Variants in BRINP3 observed in about 807,000 individuals in gnomAD.
BRINP3 encodes BMP/retinoic acid inducible neural specific 3.
In BRINP3, 19 loss-of-function variants were observed where a neutral mutation model predicts 71.0. The ratio of observed to expected loss-of-function variants is 0.27; its 90% CI spans 0.19 to 0.39. BRINP3 has a LOEUF of 0.39. Among genes scored for constraint, BRINP3 ranks in the 10% least tolerant of loss-of-function variants. BRINP3 has a pLI of 1.00. For missense variants in BRINP3, 959 were observed against 940.8 expected (o/e 1.02, Z -0.25); for synonymous variants, 380 against 337.7 (o/e 1.13, Z -1.37).
At chr1:190,410,627 C>G (rs940098673) in intron 2 of BRINP3, among the ~76,000 whole-genome samples, 2 of 151,738 alleles carry the variant, frequency 1.3e-5, no homozygotes, top group Admixed American at 6.6e-5. Context: ...AGATCAGGAA[C>G]AACACATAGA....
chr1:190,118,196 T>C (rs937638671), intron 7 of BRINP3, among the ~76,000 whole-genome samples: 1 of 151,960 alleles, frequency 6.6e-6, no homozygotes, highest in Non-Finnish European at 1.5e-5. Flanking sequence ...TCTCTAAAAA[T>C]ATTTATCAAA....
intron 2 of BRINP3, among the ~76,000 whole-genome samples, chr1:190,424,092 AAT>A (rs1328304789): frequency 6.6e-6 from 1 of 151,636 alleles, no homozygotes; most frequent in Non-Finnish European, 1.5e-5. Context: ...TATAGTCAAA[AAT>A]ATATATAGTC....
chr1:190,443,583 G>T (rs1674986055), intron 2 of BRINP3, among the ~76,000 whole-genome samples: 1 of 152,118 alleles, frequency 6.6e-6, no homozygotes, highest in Non-Finnish European at 1.5e-5. Flanking sequence ...GAACCAGGCA[G>T]CCATACCTGC....
chr1:190,399,071 A>C (rs555403101), intron 2 of BRINP3, among the ~76,000 whole-genome samples: 2 of 152,102 alleles, frequency 1.3e-5, no homozygotes, highest in South Asian at 4.1e-4. Flanking sequence ...ATTACTATTA[A>C]TTTACCTCAT....
intron 7 of BRINP3, among the ~76,000 whole-genome samples, chr1:190,100,247 A>G (rs2102239767): frequency 6.6e-6 from 1 of 152,330 alleles, no homozygotes; most frequent in African/African-American, 2.4e-5. Context: ...TTTGGTGTTC[A>G]CATTTAATAC....
intron 2 of BRINP3, among the ~76,000 whole-genome samples, chr1:190,351,487 C>T (rs1668381296): frequency 6.6e-6 from 1 of 151,804 alleles, no homozygotes; most frequent in Non-Finnish European, 1.5e-5. Context: ...AGAGAGGTAC[C>T]CGTATGACAT....
chr1:190,474,192 A>G (rs1230166446), intron 1 of BRINP3, among the ~76,000 whole-genome samples: 2 of 152,192 alleles, frequency 1.3e-5, no homozygotes, highest in Non-Finnish European at 2.9e-5. Context: ...TAACATGGCT[A>G]CACATTTAAA....
intron 2 of BRINP3, among the ~76,000 whole-genome samples, chr1:190,282,020 G>A (rs1198625068): frequency 4.6e-5 from 7 of 151,454 alleles, no homozygotes; most frequent in Non-Finnish European, 8.8e-5. Context: ...TCATAAAAAC[G>A]ACTTTATTAT....
chr1:190,245,627 A>C lies in BRINP3; in HGVS notation c.619-11150T>G, dbSNP rs191069101. 1.5e-3 allele frequency among the ~76,000 whole-genome samples: 221 copies of C among 152,144 alleles called. 1 individual carries two copies. The highest frequency in any genetic ancestry group is 5.3e-3 in the African/African-American group (219 of 41,522). On this transcript the variant is annotated intron_variant, in intron 4 of 7. Coordinates refer to ENST00000367462, the MANE Select transcript of BRINP3 (RefSeq NM_199051.3). ...TTTTTTCTTTTTTTATTAAACTTTAAGTTTTAGGGTACATGTGCACAACGT... is the reference window on the plus strand; with the variant it reads ...TTTTTTCTTTTTTTATTAAACTTTACGTTTTAGGGTACATGTGCACAACGT...
intron 2 of BRINP3, among the ~76,000 whole-genome samples, chr1:190,369,881 A>G (rs185982467): frequency 6.6e-6 from 1 of 152,290 alleles, no homozygotes; most frequent in African/African-American, 2.4e-5. Flanking sequence ...AATAGCCACT[A>G]ATTATTAATA....
intron 2 of BRINP3, among the ~76,000 whole-genome samples, chr1:190,427,817 T>G (rs971409438): frequency 2.0e-5 from 3 of 151,944 alleles, no homozygotes; most frequent in African/African-American, 7.2e-5. Flanking sequence ...GGATTTGTTG[T>G]ACCAATTATT....
Position 190,098,527 on chromosome 1 carries a change from G to C in BRINP3, c.1792C>G (p.Arg598Gly). ...VNENSFPDWE[R>G]TKLDLPLQCY... ...TGCAGGGGTAGGTCCAACTTAGTCC[G>C]CTCCCAGTCTGGAAAGCTGTTTTCA... The change falls in exon 8 of 8, where the codon CGG (arginine) becomes GGG (glycine). Residue 598 changes from arginine to glycine, a missense_variant. Arg to Gly is a moderately radical substitution (Grantham distance 125). Coordinates refer to ENST00000367462, the MANE Select transcript of BRINP3 (RefSeq NM_199051.3). 1 of 1,614,106 alleles carries C rather than the reference G, an allele frequency of 6.2e-7. No homozygotes were observed. Among genetic ancestry groups the C allele is most frequent in the African/African-American group, 1.3e-5 (1 of 75,018 alleles).
chr1:190,271,623 A>C (rs999382690), intron 3 of BRINP3, among the ~76,000 whole-genome samples: 9 of 151,562 alleles, frequency 5.9e-5, no homozygotes, highest in African/African-American at 2.2e-4. Flanking sequence ...ACCCTGTCCT[A>C]TAGTCTGCAA....
chr1:190,371,784 G>T lies in BRINP3; in HGVS notation c.236+82871C>A, dbSNP rs531563265. Reference sequence around the variant, plus strand: ...TAGTATGGATATTGTTAAATTTAACGATATCAATTATTTTAATCCAGGGGC... The same window carrying T: ...TAGTATGGATATTGTTAAATTTAACTATATCAATTATTTTAATCCAGGGGC... On this transcript the variant is annotated intron_variant, in intron 2 of 7. Coordinates refer to ENST00000367462, the MANE Select transcript of BRINP3 (RefSeq NM_199051.3). Among the ~76,000 whole-genome samples the T allele has an allele frequency of 1.1e-3, 174 of 152,096 alleles. 4 individuals carry two copies. In the South Asian group the frequency reaches 0.018, roughly 15 times the overall value.
intron 2 of BRINP3, among the ~76,000 whole-genome samples, chr1:190,399,744 A>G (rs1671806484): frequency 6.6e-6 from 1 of 152,000 alleles, no homozygotes; most frequent in African/African-American, 2.4e-5. Flanking sequence ...TGGTCTGTTT[A>G]CCTAATCTGA....
intron 2 of BRINP3, among the ~76,000 whole-genome samples, chr1:190,298,373 G>C (rs189434085): frequency 6.6e-6 from 1 of 150,916 alleles, no homozygotes; most frequent in Admixed American, 6.6e-5. Context: ...TTCTTCATTT[G>C]TGTGGGTTAA....
At chr1:190,422,724 A>G (rs1673463688) in intron 2 of BRINP3, among the ~76,000 whole-genome samples, 1 of 151,888 alleles carries the variant, frequency 6.6e-6, no homozygotes, top group African/African-American at 2.4e-5. Context: ...AGACTAGGGC[A>G]AGAAGGGAAT....
chr1:190,470,367 C>T (rs1342057476), intron 1 of BRINP3, among the ~76,000 whole-genome samples: 1 of 150,790 alleles, frequency 6.6e-6, no homozygotes, highest in Non-Finnish European at 1.5e-5. Context: ...ATGTAATGTT[C>T]ATGTATTTAT....
chr1:190,189,511 A>AT (rs1256178006), intron 6 of BRINP3, among the ~76,000 whole-genome samples: 2 of 151,338 alleles, frequency 1.3e-5, no homozygotes, highest in East Asian at 1.9e-4. Context: ...TAAATTTACA[A>AT]TTTTTTCTGC....
Sources: allele counts gnomAD v4.1 joint callset (sites outside exome capture counted in the v4.1 genomes callset), GRCh38; gene constraint gnomAD v4.1.1; transcripts MANE v1.5; gene names NCBI Gene and HGNC (gene_info 2026-07-23, HGNC 2026-07-21).